The following PDE8B variants were observed in gnomAD, a reference collection of about 807,000 sequenced individuals.
PDE8B encodes the protein phosphodiesterase 8B.
Under a neutral mutation model 101.3 loss-of-function variants are expected in PDE8B, and 26 were observed. That is an observed-to-expected ratio of 0.26 (90% CI 0.19 to 0.36). The LOEUF is 0.36. Among genes scored for constraint, PDE8B ranks in the 10% least tolerant of loss-of-function variants. The pLI, the probability that PDE8B is intolerant of heterozygous loss-of-function variation, is 1.00. For synonymous variants in PDE8B, 424 were observed against 429.3 expected, an observed-to-expected ratio of 0.99 and a Z score of 0.15; for missense variants, 810 against 1,163.1, an observed-to-expected ratio of 0.70 and a Z score of 4.42.
chr5:77,200,874 C>T, the PDE8B span, among the ~76,000 whole-genome samples: 4 of 152,136 alleles, frequency 2.6e-5, no homozygotes, highest in East Asian at 1.9e-4. Context: ...CAGTCATGCC[C>T]CCAGTGACTG....
the PDE8B span, among the ~76,000 whole-genome samples, chr5:77,152,932 G>A: frequency 5.3e-5 from 8 of 152,336 alleles, no homozygotes; most frequent in East Asian, 1.9e-4. Flanking sequence ...GTGCCTACAC[G>A]TCTGAGTCCC....
the PDE8B span, among the ~76,000 whole-genome samples, chr5:77,127,666 G>A: frequency 6.6e-6 from 1 of 152,030 alleles, no homozygotes; most frequent in Non-Finnish European, 1.5e-5. Context: ...GATGGAAGGA[G>A]ACCTTGAGGA....
chr5:77,105,158 T>C, the PDE8B span: 1 of 152,212 alleles, frequency 6.6e-6, no homozygotes, highest in African/African-American at 2.4e-5. Flanking sequence ...TATATAGATA[T>C]ACTGCAATTT....
the PDE8B span, among the ~76,000 whole-genome samples, chr5:77,110,269 C>T: frequency 4.6e-5 from 7 of 151,812 alleles, no homozygotes; most frequent in Non-Finnish European, 8.8e-5. Context: ...AAATGGCCAG[C>T]GCTTTTTTTT....
intron 1 of PDE8B, among the ~76,000 whole-genome samples, chr5:77,252,913 T>G (rs1758354090): frequency 6.6e-6 from 1 of 152,216 alleles, no homozygotes. Flanking sequence ...TTGAGGTCAC[T>G]TTTTTTACGA....
the PDE8B span, among the ~76,000 whole-genome samples, chr5:77,192,393 G>T: frequency 1.3e-5 from 2 of 152,040 alleles, no homozygotes; most frequent in Non-Finnish European, 2.9e-5. Flanking sequence ...GACTAGAGTT[G>T]TCTGTTTTAG....
upstream of PDE8B, among the ~76,000 whole-genome samples, chr5:77,205,802 C>A (rs568215123): frequency 6.6e-6 from 1 of 152,140 alleles, no homozygotes; most frequent in Admixed American, 6.5e-5. Flanking sequence ...ATGTACGTAT[C>A]TATTTTTAAC....
intron 1 of PDE8B, among the ~76,000 whole-genome samples, chr5:77,299,107 G>A (rs1409136319): frequency 6.6e-6 from 1 of 152,036 alleles, no homozygotes; most frequent in African/African-American, 2.4e-5. Flanking sequence ...CTAAAGCATT[G>A]CCTGTCTTAC....
intron 1 of PDE8B, among the ~76,000 whole-genome samples, chr5:77,234,046 G>A (rs970570866): frequency 2.6e-5 from 4 of 152,114 alleles, no homozygotes; most frequent in Admixed American, 6.5e-5. Context: ...GCAAAGGCCA[G>A]CCAGAGCTTG....
At chr5:77,185,256 T>G in the PDE8B span, among the ~76,000 whole-genome samples, 66 of 152,326 alleles carry the variant, frequency 4.3e-4, no homozygotes, top group African/African-American at 1.4e-3. Context: ...TAAAGACTGA[T>G]AGCTCACACA....
At position 77,409,060 on chromosome 5, in the gene PDE8B, G is replaced by A. The variant is rs1561669329; in HGVS notation, c.1530+3G>A. 6.2e-7 allele frequency: 1 copy of A among 1,613,386 alleles called. No homozygotes were observed. Among genetic ancestry groups the A allele is most frequent in the Non-Finnish European group, 8.5e-7 (1 of 1,179,380 alleles). On this transcript the variant is annotated splice_donor_region_variant and intron_variant, in intron 14 of 21. Transcript: ENST00000264917. ...ATCTTGTTGGAGGCCTGATGACTGT[G>A]AGTGATGAGGCAAAACCTGAAAAGC...
the PDE8B span, among the ~76,000 whole-genome samples, chr5:77,183,824 C>T: frequency 2.6e-5 from 4 of 152,140 alleles, no homozygotes; most frequent in African/African-American, 7.2e-5. Context: ...TCAGTTTTCA[C>T]AGTCACATAC....
chr5:77,148,423 A>T, the PDE8B span: 2 of 152,134 alleles, frequency 1.3e-5, no homozygotes, highest in Non-Finnish European at 2.9e-5. Flanking sequence ...TGTATGGTAA[A>T]TGTATGTTTA....
At chr5:77,245,302 A>G (rs1756626367) in intron 1 of PDE8B, among the ~76,000 whole-genome samples, 1 of 152,246 alleles carries the variant, frequency 6.6e-6, no homozygotes, top group Non-Finnish European at 1.5e-5. Flanking sequence ...CTTGAGTAAA[A>G]TAAAATAACT....
chr5:77,288,428 TG>T (rs199524025), intron 1 of PDE8B, among the ~76,000 whole-genome samples: 1,556 of 152,362 alleles, frequency 0.01, 27 homozygotes, highest in African/African-American at 0.035. Flanking sequence ...CTCACTGCAC[TG>T]GTATCTATCT....
the PDE8B span, among the ~76,000 whole-genome samples, chr5:77,186,627 T>C: frequency 6.6e-6 from 1 of 152,178 alleles, no homozygotes; most frequent in Non-Finnish European, 1.5e-5. Context: ...TCTTGATTAT[T>C]GCAAAACTAT....
chr5:77,129,898 A>G, the PDE8B span, among the ~76,000 whole-genome samples: 2 of 152,206 alleles, frequency 1.3e-5, no homozygotes, highest in Admixed American at 1.3e-4. Flanking sequence ...GAAGCCAGAA[A>G]AAAATTGGTT....
rs1457200065 is a variant in PDE8B, at chr5:77,428,210, G to A, written c.*1656G>A. The A allele has an allele frequency of 1.3e-5, 2 of 152,136 alleles. No homozygotes were observed. The highest frequency in any genetic ancestry group is 1.5e-5 in the Non-Finnish European group (1 of 68,010). The allele number at this position is 152,136 out of a possible 1,614,324, so 9.4% of individuals were successfully genotyped here. The stretch of plus-strand genomic sequence containing the variant: ...CTACAGCCATTTTTCACTCCCAACA[G>A]CTGTTTTTATTTTACCTCTTTGGCC... On this transcript the variant is annotated 3_prime_UTR_variant, in exon 22 of 22. Transcript: ENST00000264917.
intron 1 of PDE8B, among the ~76,000 whole-genome samples, chr5:77,278,799 A>T (rs747227589): frequency 2.6e-4 from 39 of 152,172 alleles, no homozygotes; most frequent in Non-Finnish European, 4.7e-4. Context: ...CTAGTTTTGC[A>T]TATTAATGCT....
Sources: gnomAD v4.1 joint callset for allele counts (sites outside exome capture counted in the v4.1 genomes callset) on GRCh38, gnomAD v4.1.1 for gene constraint, MANE v1.5 for transcripts, NCBI Gene and HGNC (gene_info 2026-07-23, HGNC 2026-07-21) for gene names.